Variants in TAFA1 observed in about 807,000 individuals in gnomAD.
TAFA1 encodes the protein chemokine-like protein TAFA-1.
In TAFA1, 4 loss-of-function variants were observed where a neutral mutation model predicts 18.5. The ratio of observed to expected loss-of-function variants is 0.22; its 90% CI spans 0.11 to 0.49. The LOEUF is 0.49. TAFA1 is among the 20% of genes least tolerant of loss of function. The pLI is 0.98. For missense variants in TAFA1, 147 were observed against 169.0 expected (o/e 0.87, Z 0.72); for synonymous variants, 56 against 55.2 (o/e 1.01, Z -0.06).
At chr3:68,307,900 C>T (rs1357565709) in intron 2 of TAFA1, among the ~76,000 whole-genome samples, 3 of 152,102 alleles carry the variant, frequency 2.0e-5, no homozygotes, top group South Asian at 4.1e-4. Flanking sequence ...CATAACTGCC[C>T]TTGTTACCTC....
chr3:68,532,028 G>C (rs1179007777), intron 3 of TAFA1, among the ~76,000 whole-genome samples: 1 of 152,058 alleles, frequency 6.6e-6, no homozygotes, highest in East Asian at 1.9e-4. Context: ...TCTTATGCAG[G>C]GTTGAGGAGA....
chr3:68,146,917 A>G (rs920740130), intron 2 of TAFA1, among the ~76,000 whole-genome samples: 3 of 152,198 alleles, frequency 2.0e-5, no homozygotes, highest in South Asian at 4.1e-4. Context: ...AAAGACTTAA[A>G]TGGCTTAAAT....
intron 3 of TAFA1, among the ~76,000 whole-genome samples, chr3:68,515,139 C>CATCCAT (rs2072902112): frequency 6.6e-6 from 1 of 152,110 alleles, no homozygotes; most frequent in Non-Finnish European, 1.5e-5. Context: ...TCTGCATGTG[C>CATCCAT]ACTTCCCAGT....
intron 2 of TAFA1, among the ~76,000 whole-genome samples, chr3:68,405,257 T>G (rs1050684662): frequency 6.6e-6 from 1 of 152,100 alleles, no homozygotes; most frequent in Admixed American, 6.6e-5. Flanking sequence ...AGTTAATGAT[T>G]ATTGTTGGGC....
chr3:68,408,678 T>TGTGA (rs2070657299), intron 2 of TAFA1, among the ~76,000 whole-genome samples: 1 of 152,040 alleles, frequency 6.6e-6, no homozygotes, highest in African/African-American at 2.4e-5. Context: ...TTAGTAAATG[T>TGTGA]GTGACTGCCC....
intron 3 of TAFA1, among the ~76,000 whole-genome samples, chr3:68,514,576 C>G (rs2072894327): frequency 6.6e-6 from 1 of 152,244 alleles, no homozygotes; most frequent in East Asian, 1.9e-4. Context: ...TGACTGACTT[C>G]AGACATCACT....
intron 2 of TAFA1, among the ~76,000 whole-genome samples, chr3:68,410,893 A>G (rs1191396899): frequency 6.6e-6 from 1 of 152,178 alleles, no homozygotes; most frequent in Non-Finnish European, 1.5e-5. Context: ...AAATATTATC[A>G]TTCTGAAATA....
At chr3:68,288,968 C>T (rs1169180344) in intron 2 of TAFA1, among the ~76,000 whole-genome samples, 4 of 152,234 alleles carry the variant, frequency 2.6e-5, no homozygotes, top group South Asian at 4.2e-4. Flanking sequence ...CTTCAGTTTC[C>T]AAGGAGGTTA....
chr3:68,005,142 C>G (rs1704335685), intron 1 of TAFA1, among the ~76,000 whole-genome samples: 1 of 151,970 alleles, frequency 6.6e-6, no homozygotes, highest in Non-Finnish European at 1.5e-5. Context: ...GCAGGGTATT[C>G]TGAAAAAGTC....
intron 2 of TAFA1, among the ~76,000 whole-genome samples, chr3:68,159,495 A>G (rs544047073): frequency 6.6e-6 from 1 of 152,350 alleles, no homozygotes; most frequent in South Asian, 2.1e-4. Context: ...CTAAGAAAAG[A>G]GAATGAATTA....
chr3:68,086,950 T>C (rs1008387254), intron 2 of TAFA1, among the ~76,000 whole-genome samples: 1 of 152,210 alleles, frequency 6.6e-6, no homozygotes, highest in African/African-American at 2.4e-5. Context: ...TTTTTCAAAA[T>C]GAAAAGGGTC....
chr3:68,383,263 G>A (rs1394894123), intron 2 of TAFA1, among the ~76,000 whole-genome samples: 3 of 27,488 alleles, frequency 1.1e-4, no homozygotes, highest in South Asian at 4.0e-3. Flanking sequence ...TGTCTTTTGC[G>A]GGTTTTGAGG....
intron 2 of TAFA1, among the ~76,000 whole-genome samples, chr3:68,009,559 T>C (rs76662492): frequency 0.05 from 7,643 of 152,276 alleles, 346 homozygotes; most frequent in East Asian, 0.13. Context: ...AGCTTTATTG[T>C]TGAAATGAAG....
chr3:68,491,136 GCCT>G (rs1243864133), intron 3 of TAFA1, among the ~76,000 whole-genome samples: 8 of 152,098 alleles, frequency 5.3e-5, no homozygotes, highest in Non-Finnish European at 1.2e-4. Context: ...ACTGCAGCTG[GCCT>G]CCTCCACAAT....
intron 2 of TAFA1, among the ~76,000 whole-genome samples, chr3:68,137,440 G>A (rs2065622174): frequency 6.6e-6 from 1 of 152,156 alleles, no homozygotes; most frequent in African/African-American, 2.4e-5. Flanking sequence ...CTAAATTGCA[G>A]CATACCTGTG....
the TAFA1 span, among the ~76,000 whole-genome samples, chr3:67,996,634 A>G: frequency 6.6e-6 from 1 of 152,016 alleles, no homozygotes; most frequent in Non-Finnish European, 1.5e-5. Flanking sequence ...CCCCATCTCT[A>G]CTAAAAATAC....
In TAFA1 at chr3:68,275,505, T is replaced by G. The variant is rs1213292024; in HGVS notation, c.119-141775T>G. ...AAGGCCTTGTAAGATTAGGGGACTT[T>G]TTTTTTTTTTTGCATAAGTCATAAA... On this transcript the variant is annotated intron_variant, in intron 2 of 4. Transcript: ENST00000478136. Among the ~76,000 whole-genome samples the G allele has an allele frequency of 8.6e-5, 13 of 150,890 alleles. No homozygotes were observed. In the South Asian group the frequency reaches 2.8e-3, roughly 32 times the overall value.
chr3:68,481,955 T>A (rs946709486), intron 3 of TAFA1, among the ~76,000 whole-genome samples: 1 of 152,200 alleles, frequency 6.6e-6, no homozygotes, highest in African/African-American at 2.4e-5. Flanking sequence ...AAGACACAAC[T>A]TTTACACAGA....
intron 1 of TAFA1, among the ~76,000 whole-genome samples, chr3:68,005,038 T>A (rs2106765025): frequency 6.6e-6 from 1 of 152,312 alleles, no homozygotes; most frequent in South Asian, 2.1e-4. Flanking sequence ...AGGATTTTTT[T>A]TTCAAGTTTG....
Sources: allele counts gnomAD v4.1 joint callset (sites outside exome capture counted in the v4.1 genomes callset), GRCh38; gene constraint gnomAD v4.1.1; transcripts MANE v1.5; gene names NCBI Gene and HGNC (gene_info 2026-07-23, HGNC 2026-07-21).